Variants in RBFOX1 observed in about 807,000 individuals in gnomAD.
RBFOX1 encodes the protein RNA binding protein fox-1 homolog 1.
RBFOX1 carries 8 observed loss-of-function variants against 57.7 expected under a neutral mutation model. The ratio of observed to expected loss-of-function variants is 0.14; its 90% CI spans 0.08 to 0.25. The LOEUF is 0.25. Ranked by LOEUF, RBFOX1 falls within the 10% of genes least tolerant of loss-of-function variation. The pLI is 1.00. For missense variants in RBFOX1, 611 were observed against 548.5 expected, an observed-to-expected ratio of 1.11 and a Z score of -1.14; for synonymous variants, 326 against 222.4, an observed-to-expected ratio of 1.47 and a Z score of -4.15.
chr16:6,797,262 G>T (rs1027917264), intron 3 of RBFOX1, among the ~76,000 whole-genome samples: 1 of 152,140 alleles, frequency 6.6e-6, no homozygotes, highest in Admixed American at 6.6e-5. Context: ...CCCCCATAAC[G>T]CTGTCCTTAG....
At chr16:6,761,069 T>C (rs147658334) in intron 3 of RBFOX1, among the ~76,000 whole-genome samples, 62 of 152,342 alleles carry the variant, frequency 4.1e-4, no homozygotes, top group African/African-American at 1.5e-3. Flanking sequence ...TTAAATTACC[T>C]ATTGATTAGT....
At chr16:7,458,809 C>T (rs763471375) in intron 4 of RBFOX1, among the ~76,000 whole-genome samples, 2 of 152,166 alleles carry the variant, frequency 1.3e-5, no homozygotes, top group Admixed American at 1.3e-4. Context: ...CCCTGTGTTC[C>T]TTTCCTAGCT....
chr16:7,159,450 C>G (rs2077829379), intron 4 of RBFOX1, among the ~76,000 whole-genome samples: 1 of 152,072 alleles, frequency 6.6e-6, no homozygotes, highest in Admixed American at 6.6e-5. Flanking sequence ...GATCAGTATC[C>G]AGGATTCAGA....
chr16:6,500,137 A>G (rs1180553402), intron 2 of RBFOX1, among the ~76,000 whole-genome samples: 8 of 152,144 alleles, frequency 5.3e-5, no homozygotes, highest in Admixed American at 2.6e-4. Context: ...ATGCTGACAC[A>G]TTTTCTAGAA....
intron 9 of RBFOX1, among the ~76,000 whole-genome samples, chr16:7,605,581 G>T (rs547296376): frequency 1.3e-5 from 2 of 152,300 alleles, no homozygotes; most frequent in South Asian, 4.1e-4. Flanking sequence ...TGGCCTGTCT[G>T]TTGAGTTAGT....
chr16:6,751,776 G>C (rs2074970932), intron 3 of RBFOX1, among the ~76,000 whole-genome samples: 1 of 152,102 alleles, frequency 6.6e-6, no homozygotes, highest in African/African-American at 2.4e-5. Context: ...GTGGTCTTAT[G>C]AAGAATGTGT....
chr16:6,168,150 C>T (rs927929827), intron 1 of RBFOX1, among the ~76,000 whole-genome samples: 1 of 152,136 alleles, frequency 6.6e-6, no homozygotes, highest in African/African-American at 2.4e-5. Flanking sequence ...TGCTGATATG[C>T]GGCTTATCTT....
In RBFOX1 at chr16:7,030,416, A is replaced by G. The variant is rs377227247; in HGVS notation, c.-15-21641A>G. Among the ~76,000 whole-genome samples, 11 of 152,308 alleles carry G rather than the reference A, an allele frequency of 7.2e-5. No homozygotes were observed. The East Asian group carries it at 1.4e-3, about 19-fold the overall frequency. The stretch of plus-strand genomic sequence containing the variant: ...TTCATTCAAGGTTCTGGAGGCCACA[A>G]GTCTGAAATCAAAATGTCAGCAAGG... On this transcript the variant is annotated intron_variant, in intron 3 of 15. Transcript: ENST00000550418.
rs2098847456 is a variant in RBFOX1, at chr16:7,450,964, A to G, written c.28-67183A>G. Among the ~76,000 whole-genome samples the G allele has an allele frequency of 2.0e-5, 3 of 152,312 alleles. No homozygotes were observed. In the South Asian group the frequency reaches 6.2e-4, roughly 32 times the overall value. ...AGGAAGAGGCCTCTGCACATGAAAC[A>G]TAGAAGTGGCTGCCTCCTTCAATCA... On this transcript the variant is annotated intron_variant, in intron 4 of 15. Transcript: ENST00000550418.
At chr16:6,029,923 AT>A (rs113825966) in intron 1 of RBFOX1, among the ~76,000 whole-genome samples, 1 of 151,958 alleles carries the variant, frequency 6.6e-6, no homozygotes, top group Non-Finnish European at 1.5e-5. Context: ...TATTATTGTT[AT>A]TTTTTTGAGA....
intron 1 of RBFOX1, among the ~76,000 whole-genome samples, chr16:5,311,338 A>G (rs1270429991): frequency 6.6e-6 from 1 of 152,124 alleles, no homozygotes; most frequent in Non-Finnish European, 1.5e-5. Context: ...TATCTTTGCA[A>G]TTGTGAACTG....
chr16:6,780,370 TAG>T lies in RBFOX1; in HGVS notation c.-16+125722_-16+125723del, dbSNP rs1380738581. ...ATATACATATTTATATACATATTTA[TAG>T]ATATATTTATACATATTATATATAT... On this transcript the variant is annotated intron_variant, in intron 3 of 15. Transcript: ENST00000550418. Among the ~76,000 whole-genome samples, 7 of 95,010 alleles carry T rather than the reference TAG, an allele frequency of 7.4e-5. No individual in the cohort carries two copies. The East Asian group carries it at 1.6e-3, about 21-fold the overall frequency. 62.3% of individuals were successfully genotyped at this position (95,010 alleles called of 152,430 possible). A position where few individuals can be genotyped will look rare whatever the true frequency, so the allele number is the denominator to read the frequency against.
At chr16:6,894,165 T>TTGTC (rs1297031764) in intron 3 of RBFOX1, among the ~76,000 whole-genome samples, 7 of 152,364 alleles carry the variant, frequency 4.6e-5, no homozygotes, top group Non-Finnish European at 1.0e-4. Flanking sequence ...TACCTATCTC[T>TTGTC]TGTCTGTCTG....
chr16:6,912,622 C>T (rs544124102), intron 3 of RBFOX1, among the ~76,000 whole-genome samples: 1 of 74,768 alleles, frequency 1.3e-5, no homozygotes, highest in Non-Finnish European at 2.7e-5. Flanking sequence ...TGTGTTATTA[C>T]TATTTTTTTT....
chr16:5,755,820 A>G lies in RBFOX1; in HGVS notation c.319-111483A>G, dbSNP rs149520653. ...ACCATGTTGGTCAGGCTGGTCTCGA[A>G]CTCCTGACCTCAGGTGATCCGCCTG... On this transcript the variant is annotated intron_variant, in intron 3 of 19. Coordinates refer to the RBFOX1 transcript ENST00000641259. Among the ~76,000 whole-genome samples the G allele has an allele frequency of 5.1e-3, 779 of 152,012 alleles. 8 individuals are homozygous for G. The highest frequency in any genetic ancestry group is 0.017 in the African/African-American group (724 of 41,446).
At chr16:7,202,525 G>A (rs1160616669) in intron 4 of RBFOX1, among the ~76,000 whole-genome samples, 1 of 152,186 alleles carries the variant, frequency 6.6e-6, no homozygotes, top group Non-Finnish European at 1.5e-5. Flanking sequence ...CAGTCCCTGG[G>A]TCATGTAGTG....
chr16:6,640,878 G>A (rs1195978373), intron 2 of RBFOX1, among the ~76,000 whole-genome samples: 1 of 152,062 alleles, frequency 6.6e-6, no homozygotes, highest in Non-Finnish European at 1.5e-5. Flanking sequence ...CCCAAAACAA[G>A]CAACATGAAC....
chr16:7,311,447 G>A (rs928046303), intron 4 of RBFOX1, among the ~76,000 whole-genome samples: 1 of 148,556 alleles, frequency 6.7e-6, no homozygotes, highest in Non-Finnish European at 1.5e-5. Context: ...ATGAGTAAAT[G>A]CATAAAAGGT....
At chr16:6,383,305 C>G (rs2091978070) in intron 2 of RBFOX1, among the ~76,000 whole-genome samples, 1 of 152,230 alleles carries the variant, frequency 6.6e-6, no homozygotes, top group African/African-American at 2.4e-5. Context: ...TCAGTTGACT[C>G]TCCTCTTTGT....
Sources: gnomAD v4.1 joint callset for allele counts (sites outside exome capture counted in the v4.1 genomes callset) on GRCh38, gnomAD v4.1.1 for gene constraint, MANE v1.5 for transcripts, NCBI Gene and HGNC (gene_info 2026-07-23, HGNC 2026-07-21) for gene names.